The following MGAT4C variants were observed in gnomAD, a reference collection of about 807,000 sequenced individuals.
MGAT4C encodes MGAT4 family member C.
MGAT4C carries 19 observed loss-of-function variants against 40.1 expected under a neutral mutation model. The ratio of observed to expected loss-of-function variants is 0.47; its 90% CI spans 0.33 to 0.70. The LOEUF is 0.70. MGAT4C is among the 30% of genes least tolerant of loss of function. The probability of loss-of-function intolerance (pLI) is 0.02; values close to 1 mark genes in which losing one functional copy is unlikely to be tolerated. For missense variants in MGAT4C, 491 were observed against 563.2 expected (o/e 0.87, Z 1.30); for synonymous variants, 181 against 187.1 (o/e 0.97, Z 0.27).
intron 1 of MGAT4C, among the ~76,000 whole-genome samples, chr12:86,161,523 T>C (rs1302367190): frequency 6.6e-6 from 1 of 152,110 alleles, no homozygotes; most frequent in Non-Finnish European, 1.5e-5. Flanking sequence ...GATTAACGAT[T>C]TAAATGTTAA....
At chr12:86,750,591 A>T (rs1951219140) in intron 1 of MGAT4C, among the ~76,000 whole-genome samples, 1 of 151,880 alleles carries the variant, frequency 6.6e-6, no homozygotes, top group Non-Finnish European at 1.5e-5. Flanking sequence ...AAAATATTAC[A>T]TTTGGGAAGA....
At chr12:86,398,188 A>C (rs1956293886) in intron 3 of MGAT4C, among the ~76,000 whole-genome samples, 1 of 152,176 alleles carries the variant, frequency 6.6e-6, no homozygotes, top group Admixed American at 6.5e-5. Context: ...AGTCAGTATC[A>C]CCAAGCCAGA....
intron 2 of MGAT4C, among the ~76,000 whole-genome samples, chr12:86,692,853 C>G (rs1251233235): frequency 6.6e-6 from 1 of 152,046 alleles, no homozygotes; most frequent in Non-Finnish European, 1.5e-5. Flanking sequence ...GTGTACCACA[C>G]AAATTGTTTG....
At chr12:86,780,746 A>G (rs756598631) in intron 1 of MGAT4C, among the ~76,000 whole-genome samples, 1 of 152,172 alleles carries the variant, frequency 6.6e-6, no homozygotes, top group Non-Finnish European at 1.5e-5. Flanking sequence ...CTTTTAGTGT[A>G]AACATCACCC....
chr12:86,096,613 T>C (rs931230295), intron 1 of MGAT4C, among the ~76,000 whole-genome samples: 1 of 151,602 alleles, frequency 6.6e-6, no homozygotes, highest in Non-Finnish European at 1.5e-5. Context: ...TTATGATCAA[T>C]TTGTCATTGA....
intron 2 of MGAT4C, among the ~76,000 whole-genome samples, chr12:86,662,068 C>A (rs1473555158): frequency 1.3e-5 from 2 of 152,138 alleles, no homozygotes; most frequent in Non-Finnish European, 2.9e-5. Context: ...AGAATGGCAT[C>A]TAATCTACTT....
At chr12:86,512,463 C>T (rs965211381) in intron 2 of MGAT4C, among the ~76,000 whole-genome samples, 24 of 152,108 alleles carry the variant, frequency 1.6e-4, no homozygotes, top group Admixed American at 1.5e-3. Flanking sequence ...CACTTCCATG[C>T]ACTTCTATTC....
chr12:86,087,936 G>C (rs1872187083), intron 1 of MGAT4C, among the ~76,000 whole-genome samples: 1 of 151,886 alleles, frequency 6.6e-6, no homozygotes, highest in Admixed American at 6.6e-5. Flanking sequence ...GCAACCCTAA[G>C]CAAAAAGAAC....
chr12:86,592,377 A>G (rs986729813), intron 2 of MGAT4C, among the ~76,000 whole-genome samples: 4 of 152,176 alleles, frequency 2.6e-5, no homozygotes, highest in Non-Finnish European at 4.4e-5. Flanking sequence ...AATGAGTATT[A>G]TCTTTTTCTT....
At chr12:86,595,361 T>C (rs1012845158) in intron 2 of MGAT4C, among the ~76,000 whole-genome samples, 2 of 151,956 alleles carry the variant, frequency 1.3e-5, no homozygotes, top group Non-Finnish European at 2.9e-5. Context: ...TGAAACACCA[T>C]CTCTACTAAA....
chr12:86,228,250 A>G (rs1330577519), intron 1 of MGAT4C, among the ~76,000 whole-genome samples: 2 of 151,878 alleles, frequency 1.3e-5, no homozygotes, highest in African/African-American at 4.8e-5. Context: ...AAAAATTAAT[A>G]TCTAATAGAA....
intron 4 of MGAT4C, among the ~76,000 whole-genome samples, chr12:86,318,525 CATAA>C (rs1459683029): frequency 6.6e-6 from 1 of 152,160 alleles, no homozygotes; most frequent in Admixed American, 6.5e-5. Flanking sequence ...TTCTAGACCA[CATAA>C]ATAAAGTATA....
rs1041790728 is a variant in MGAT4C, at chr12:85,964,265, T to A, written c.*15024A>T. The A allele has an allele frequency of 1.3e-5, 2 of 152,148 alleles. No homozygotes were observed. The highest frequency in any genetic ancestry group is 2.4e-5 in the African/African-American group (1 of 41,466). 9.4% of individuals were successfully genotyped at this position (152,148 alleles called of 1,614,324 possible). ...AAATTCTTTCATAGAAATTCTTGGATTTTGAAATTAGTTTAATTCCAAAAT... is the reference window on the plus strand; with the variant it reads ...AAATTCTTTCATAGAAATTCTTGGAATTTGAAATTAGTTTAATTCCAAAAT... On this transcript the variant is annotated 3_prime_UTR_variant, in exon 5 of 5. Coordinates refer to ENST00000611864, the MANE Select transcript of MGAT4C (RefSeq NM_001351288.2).
chr12:86,497,479 GTTCAGACCTAA>G (rs2136329898), intron 2 of MGAT4C, among the ~76,000 whole-genome samples: 1 of 152,008 alleles, frequency 6.6e-6, no homozygotes, highest in African/African-American at 2.4e-5. Context: ...GTGCTAATGT[GTTCAGACCTAA>G]TCAAATTCCT....
intron 2 of MGAT4C, among the ~76,000 whole-genome samples, chr12:86,478,173 A>G (rs1178285223): frequency 6.6e-6 from 1 of 152,184 alleles, no homozygotes; most frequent in Non-Finnish European, 1.5e-5. Context: ...TGGCATACTC[A>G]TATACAGGAG....
chr12:86,322,162 G>C (rs1189330169), intron 4 of MGAT4C, among the ~76,000 whole-genome samples: 3 of 141,664 alleles, frequency 2.1e-5, no homozygotes, highest in Admixed American at 7.8e-5. Flanking sequence ...TCATAGGTGG[G>C]AATTGAACAA....
At chr12:86,573,620 A>G (rs1960451878) in intron 2 of MGAT4C, among the ~76,000 whole-genome samples, 1 of 152,030 alleles carries the variant, frequency 6.6e-6, no homozygotes. Context: ...GAGGGCAACA[A>G]TAATGTGAAC....
At chr12:86,514,614 C>G (rs1343538860) in intron 2 of MGAT4C, among the ~76,000 whole-genome samples, 1 of 152,218 alleles carries the variant, frequency 6.6e-6, no homozygotes, top group Non-Finnish European at 1.5e-5. Flanking sequence ...GACTCTCTAT[C>G]TTCTGCCTTT....
chr12:86,081,633 G>T (rs1870848365), intron 1 of MGAT4C, among the ~76,000 whole-genome samples: 1 of 152,106 alleles, frequency 6.6e-6, no homozygotes, highest in Non-Finnish European at 1.5e-5. Flanking sequence ...AATGAAGTCT[G>T]GGGGGTGACA....
Sources: gnomAD v4.1 joint callset for allele counts (sites outside exome capture counted in the v4.1 genomes callset) on GRCh38, gnomAD v4.1.1 for gene constraint, MANE v1.5 for transcripts, NCBI Gene and HGNC (gene_info 2026-07-23, HGNC 2026-07-21) for gene names.